The following ATXN7L1 variants were observed in gnomAD, a reference collection of about 807,000 sequenced individuals.
ATXN7L1 encodes ataxin 7 like 1.
A neutral mutation model predicts 70.8 loss-of-function variants in ATXN7L1; 15 were observed. The ratio of observed to expected loss-of-function variants is 0.21; its 90% confidence interval spans 0.14 to 0.33. ATXN7L1 has a LOEUF of 0.33. Among genes scored for constraint, ATXN7L1 ranks in the 10% least tolerant of loss-of-function variants. ATXN7L1 has a pLI of 1.00. For synonymous variants in ATXN7L1, 440 were observed against 445.1 expected (o/e 0.99, Z 0.14); for missense variants, 975 against 1,097.1 (o/e 0.89, Z 1.57).
chr7:105,638,579 G>A lies in ATXN7L1; in HGVS notation c.976C>T (p.Pro326Ser), dbSNP rs1157687965. 5 of 1,551,834 alleles carry A rather than the reference G, an allele frequency of 3.2e-6. No homozygotes were observed. The highest frequency in any genetic ancestry group is 4.4e-6 in the Non-Finnish European group (5 of 1,147,036). Residue 326 changes from proline (P) to serine (S), a missense_variant, in exon 7 of 12, where the codon CCA (proline) becomes TCA (serine). Pro to Ser is a moderately conservative substitution (Grantham distance 74). Transcript: ENST00000419735. ...THSLSHRRAVPGRKKQFDLLL... is the reference protein window; with the variant it reads ...THSLSHRRAVSGRKKQFDLLL... ...AGGTCAAATTGCTTTTTCCGGCCTG[G>A]GACTGCCCTCCGATGGCTTAGCGAA...
At chr7:105,740,177 G>A (rs1377740409) in intron 3 of ATXN7L1, among the ~76,000 whole-genome samples, 3 of 152,154 alleles carry the variant, frequency 2.0e-5, no homozygotes, top group African/African-American at 4.8e-5. Context: ...CAAAGTCAGG[G>A]CCAGAAAGCC....
chr7:105,873,027 G>A (rs942025286), intron 2 of ATXN7L1, among the ~76,000 whole-genome samples: 5 of 152,110 alleles, frequency 3.3e-5, no homozygotes, highest in Admixed American at 6.5e-5. Flanking sequence ...GGTGGCGGGC[G>A]CCTGTAATCC....
At chr7:105,690,864 G>A (rs962724804) in intron 3 of ATXN7L1, among the ~76,000 whole-genome samples, 1 of 152,064 alleles carries the variant, frequency 6.6e-6, no homozygotes, top group African/African-American at 2.4e-5. Flanking sequence ...TGCTAATTCC[G>A]GCTTAGTGTT....
intron 3 of ATXN7L1, among the ~76,000 whole-genome samples, chr7:105,717,201 C>T (rs1021670613): frequency 3.3e-5 from 5 of 152,136 alleles, no homozygotes; most frequent in Admixed American, 6.5e-5. Context: ...AATATCAGTT[C>T]ACTGCAACCT....
intron 2 of ATXN7L1, among the ~76,000 whole-genome samples, chr7:105,828,499 C>G (rs1811172988): frequency 6.6e-6 from 1 of 152,020 alleles, no homozygotes; most frequent in Admixed American, 6.6e-5. Flanking sequence ...CAACAAAGTC[C>G]CAGATAAACC....
rs1046920806 is a variant in ATXN7L1 at position 105,606,487 on chromosome 7, A to T, written c.*1365T>A. 1.3e-5 allele frequency: 2 copies of T among 152,246 alleles called. No homozygotes were observed. The highest frequency in any genetic ancestry group is 2.4e-5 in the African/African-American group (1 of 41,470). 9.4% of individuals were successfully genotyped at this position (152,246 alleles called of 1,614,324 possible). On this transcript the variant is annotated 3_prime_UTR_variant, in exon 12 of 12. Transcript: ENST00000419735. ...AAACCTCCCAGTATCTTTGCTATACATCATATACAAAGTTACATGATTAAT... is the reference window on the plus strand; with the variant it reads ...AAACCTCCCAGTATCTTTGCTATACTTCATATACAAAGTTACATGATTAAT...
At chr7:105,864,444 G>C (rs113264683) in intron 2 of ATXN7L1, among the ~76,000 whole-genome samples, 4 of 118,774 alleles carry the variant, frequency 3.4e-5, no homozygotes, top group Non-Finnish European at 6.6e-5. Flanking sequence ...GTGGCAGAGA[G>C]AGGCCCTGTC....
At chr7:105,746,984 A>G (rs1017109789) in intron 3 of ATXN7L1, among the ~76,000 whole-genome samples, 2 of 152,206 alleles carry the variant, frequency 1.3e-5, no homozygotes, top group African/African-American at 4.8e-5. Flanking sequence ...TACATGCGCT[A>G]TCTGTCCAAT....
intron 3 of ATXN7L1, among the ~76,000 whole-genome samples, chr7:105,717,886 C>T (rs1158000025): frequency 6.6e-6 from 1 of 152,088 alleles, no homozygotes; most frequent in Non-Finnish European, 1.5e-5. Context: ...CTGCTCCTAC[C>T]CATTCTCTAA....
intron 8 of ATXN7L1, among the ~76,000 whole-genome samples, chr7:105,623,647 C>A (rs1027569853): frequency 1.3e-5 from 2 of 152,138 alleles, no homozygotes; most frequent in African/African-American, 4.8e-5. Flanking sequence ...AAGGGCTGGC[C>A]CCTGACACGC....
intron 3 of ATXN7L1, among the ~76,000 whole-genome samples, chr7:105,667,727 A>G (rs1199628249): frequency 2.0e-5 from 3 of 150,442 alleles, no homozygotes; most frequent in Admixed American, 6.7e-5. Context: ...AAAAAAGTCA[A>G]CTAGTATGAT....
At chr7:105,657,881 T>C (rs1800932478) in intron 4 of ATXN7L1, among the ~76,000 whole-genome samples, 1 of 152,064 alleles carries the variant, frequency 6.6e-6, no homozygotes. Context: ...GTCAATCTAT[T>C]TTATAACCTT....
At chr7:105,722,625 T>C (rs1448467956) in intron 3 of ATXN7L1, among the ~76,000 whole-genome samples, 1 of 111,422 alleles carries the variant, frequency 9.0e-6, no homozygotes, top group African/African-American at 3.4e-5. Context: ...ACGCCTGTAA[T>C]CCCAGCACTT....
intron 4 of ATXN7L1, among the ~76,000 whole-genome samples, chr7:105,647,561 C>T (rs953457867): frequency 6.6e-6 from 1 of 152,210 alleles, no homozygotes; most frequent in Non-Finnish European, 1.5e-5. Flanking sequence ...GCAGGAGAAT[C>T]GCTTATACCT....
intron 3 of ATXN7L1, among the ~76,000 whole-genome samples, chr7:105,780,940 A>G (rs1803433718): frequency 6.6e-6 from 1 of 152,216 alleles, no homozygotes; most frequent in South Asian, 2.1e-4. Context: ...AAAAGCATGA[A>G]ATACAGTATA....
chr7:105,772,105 G>A (rs1053245794), intron 3 of ATXN7L1, among the ~76,000 whole-genome samples: 7 of 116,328 alleles, frequency 6.0e-5, no homozygotes, highest in Admixed American at 1.3e-4. Flanking sequence ...ACAGAGTCTC[G>A]CTCTGTCGCC....
chr7:105,819,500 G>C (rs1183202756), intron 2 of ATXN7L1: 1 of 1,122,940 alleles, frequency 8.9e-7, no homozygotes, highest in South Asian at 1.2e-5. Flanking sequence ...AGATGGCGGA[G>C]GGGCAGGTCC....
chr7:105,668,937 C>T (rs1308707126), intron 3 of ATXN7L1, among the ~76,000 whole-genome samples: 1 of 151,858 alleles, frequency 6.6e-6, no homozygotes, highest in Non-Finnish European at 1.5e-5. Flanking sequence ...TTTGCAGAGA[C>T]AAAGTCTCTC....
At chr7:105,831,146 G>A (rs963907921) in intron 2 of ATXN7L1, among the ~76,000 whole-genome samples, 4 of 152,226 alleles carry the variant, frequency 2.6e-5, no homozygotes, top group African/African-American at 9.6e-5. Context: ...AAAGTAAGTT[G>A]TGCAGTGTAC....
Sources: gnomAD v4.1 joint callset for allele counts (sites outside exome capture counted in the v4.1 genomes callset) on GRCh38, gnomAD v4.1.1 for gene constraint, MANE v1.5 for transcripts, NCBI Gene and HGNC (gene_info 2026-07-23, HGNC 2026-07-21) for gene names.